Variants in CHD7 observed in about 807,000 individuals in gnomAD.
CHD7 encodes the protein chromodomain helicase DNA binding protein 7.
A neutral mutation model predicts 307.3 loss-of-function variants in CHD7; 24 were observed. That is an observed-to-expected ratio of 0.08 (90% CI 0.06 to 0.11). The LOEUF (loss-of-function observed/expected upper bound fraction) is 0.11. Ranked by LOEUF, CHD7 falls within the 10% of genes least tolerant of loss-of-function variation. The pLI is 1.00. For missense variants in CHD7, 3,106 were observed against 3,727.1 expected (o/e 0.83, Z 4.34); for synonymous variants, 1,363 against 1,349.9 (o/e 1.01, Z -0.21).
At chr8:60,854,578 G>A in intron 32 of CHD7, 55 bp downstream of exon 32, 1 of 1,427,468 alleles carries the variant, frequency 7.0e-7, no homozygotes, top group Non-Finnish European at 9.4e-7. Flanking sequence ...TAGGGTAGAG[G>A]AAATCTTTCT....
At position 60,741,636 on chromosome 8, in the gene CHD7, T is replaced by C. The variant is rs774568204; in HGVS notation, c.204T>C (p.His68=). 6.2e-7 allele frequency: 1 copy of C among 1,613,772 alleles called. No individual in the cohort carries two copies. The highest frequency in any genetic ancestry group is 1.7e-5 in the Admixed American group (1 of 60,000). The change falls in exon 2 of 38, where the codon CAT becomes CAC. Residue 68 remains histidine (H), a synonymous_variant. Transcript: ENST00000423902. The part of the protein sequence containing the change: ...STNQNQTKLT[H]FDHYNQYEQQ... ...ATCAAAATCAAACAAAGCTGACACA[T>C]TTTGATCACTATAATCAGTATGAAC...
At chr8:60,687,212 C>T (rs980759762) in intron 1 of CHD7, among the ~76,000 whole-genome samples, 9 of 152,116 alleles carry the variant, frequency 5.9e-5, no homozygotes, top group Non-Finnish European at 1.2e-4. Context: ...AGAAGTCCCT[C>T]GAAGAATTAT....
chr8:60,824,190 C>A (rs957840518), intron 13 of CHD7, 174 bp downstream of exon 13: 4 of 590,794 alleles, frequency 6.8e-6, no homozygotes, highest in Non-Finnish European at 1.2e-5. Context: ...TGGATTCTTA[C>A]ATTGTTGGCT....
intron 3 of CHD7, among the ~76,000 whole-genome samples, chr8:60,791,058 T>C (rs184084890): frequency 1.3e-5 from 2 of 152,200 alleles, no homozygotes; most frequent in African/African-American, 4.8e-5. Flanking sequence ...TACACCCATA[T>C]GGAGAATCTC....
At chr8:60,792,622 C>CT (rs1315573973) in intron 3 of CHD7, among the ~76,000 whole-genome samples, 1 of 152,160 alleles carries the variant, frequency 6.6e-6, no homozygotes, top group Non-Finnish European at 1.5e-5. Context: ...ACAGTTCATT[C>CT]TTGGGAAGGG....
At chr8:60,853,524 C>G in intron 31 of CHD7, 24 bp downstream of exon 31, 1 of 1,483,986 alleles carries the variant, frequency 6.7e-7, no homozygotes, top group Non-Finnish European at 9.0e-7. Flanking sequence ...ACTGGCCCCT[C>G]TCCTGACCCT....
chr8:60,861,486 G>A (rs377324167), intron 35 of CHD7: 3 of 182,626 alleles, frequency 1.6e-5, no homozygotes, highest in African/African-American at 7.1e-5. Context: ...CTCCAGACGA[G>A]GCCCCGCCAT....
intron 19 of CHD7, among the ~76,000 whole-genome samples, chr8:60,839,540 A>G (rs1005259918): frequency 6.6e-6 from 1 of 152,188 alleles, no homozygotes; most frequent in Non-Finnish European, 1.5e-5. Flanking sequence ...GTTTCCTTCC[A>G]AGTCAGATAG....
At position 60,837,003 on chromosome 8, in the gene CHD7, T is replaced by C. The variant is rs1226478425; in HGVS notation, c.4176T>C (p.Asn1392=). The C allele has an allele frequency of 1.9e-6, 3 of 1,608,138 alleles. No individual in the cohort carries two copies. The highest frequency in any genetic ancestry group is 2.2e-5 in the East Asian group (1 of 44,718). The change falls in exon 17 of 38, where the codon AAT becomes AAC. Residue 1392 remains asparagine (N), a synonymous_variant. Transcript: ENST00000423902. ...TTGATTCAGACTGGAATCCCCAAAA[T>C]GACCTCCAGGTAAATGCACAAGAAA... The part of the protein sequence containing the change: ...IIFDSDWNPQ[N]DLQAQARCHR...
chr8:60,689,762 GA>G (rs1806103294), intron 1 of CHD7, among the ~76,000 whole-genome samples: 1 of 152,198 alleles, frequency 6.6e-6, no homozygotes, highest in Non-Finnish European at 1.5e-5. Flanking sequence ...TTTTCAACCT[GA>G]AAGACACATG....
intron 1 of CHD7, among the ~76,000 whole-genome samples, chr8:60,696,135 A>G (rs1475553990): frequency 6.6e-6 from 1 of 152,232 alleles, no homozygotes; most frequent in African/African-American, 2.4e-5. Context: ...GAAAGAGTAC[A>G]AAAGAACATA....
intron 2 of CHD7, among the ~76,000 whole-genome samples, chr8:60,759,500 C>CCTCTCCCTCCCT (rs1810068665): frequency 6.7e-6 from 1 of 148,890 alleles, no homozygotes; most frequent in African/African-American, 2.5e-5. Flanking sequence ...TCTCCCTCTC[C>CCTCTCCCTCCCT]CTCTCCCTCC....
At chr8:60,849,302 C>G (rs924090502) in intron 25 of CHD7, 148 bp downstream of exon 25, 1 of 513,048 alleles carries the variant, frequency 1.9e-6, no homozygotes, top group Middle Eastern at 3.0e-4. Flanking sequence ...TACTAAAAAT[C>G]TAATATGAAC....
chr8:60,862,703 T>G lies in CHD7; in HGVS notation c.8076+51T>G, dbSNP rs1317821258. On this transcript the variant is annotated intron_variant, in intron 37 of 37. Coordinates refer to ENST00000423902, the MANE Select transcript of CHD7 (RefSeq NM_017780.4). Reference sequence around the variant, plus strand: ...AGAAAGGTAGCTATACAAAACTGTTTTCCTTAGTCTTTCTTATTTTCTGTT... The same window carrying G: ...AGAAAGGTAGCTATACAAAACTGTTGTCCTTAGTCTTTCTTATTTTCTGTT... 5.6e-6 allele frequency: 7 copies of G among 1,249,574 alleles called. No individual in the cohort carries two copies. The African/African-American group carries it at 1.0e-4, about 19-fold the overall frequency. The allele number at this position is 1,249,574 out of a possible 1,614,324, so 77.4% of individuals were successfully genotyped here.
intron 3 of CHD7, among the ~76,000 whole-genome samples, chr8:60,784,023 C>T (rs553800436): frequency 6.6e-6 from 1 of 152,256 alleles, no homozygotes; most frequent in East Asian, 1.9e-4. Flanking sequence ...TTGAGTATGT[C>T]GCATTGTGGT....
Position 60,781,005 on chromosome 8 carries a change from C to G in CHD7, c.1671C>G (p.Ser557=). The part of the protein sequence containing the change: ...TPQKVPVHQH[S]PSEPFLEKPV... Reference sequence around the variant, plus strand: ...TTCCTATTTGTGTCTCTCAGCATTCCCCGTCGGAGCCCTTTCTAGAGAAAC... The same window carrying G: ...TTCCTATTTGTGTCTCTCAGCATTCGCCGTCGGAGCCCTTTCTAGAGAAAC... The change falls in exon 3 of 38, where the codon TCC becomes TCG. Residue 557 remains serine (S), a synonymous_variant. Transcript: ENST00000423902. 6.5e-7 allele frequency: 1 copy of G among 1,547,224 alleles called. No individual in the cohort carries two copies. Among genetic ancestry groups the G allele is most frequent in the Non-Finnish European group, 8.7e-7 (1 of 1,152,546 alleles).
intron 16 of CHD7, 74 bp from the exon 17 acceptor site, chr8:60,836,743 T>C: frequency 9.4e-7 from 1 of 1,067,910 alleles, no homozygotes; most frequent in Non-Finnish European, 1.4e-6. Context: ...ATTGTAATAA[T>C]TAAAAATTAA....
At chr8:60,833,793 G>T (rs1435250975) in intron 15 of CHD7, among the ~76,000 whole-genome samples, 1 of 152,192 alleles carries the variant, frequency 6.6e-6, no homozygotes. Context: ...TACAAATTGG[G>T]TATCAAACAT....
At chr8:60,864,288 T>A (rs1241878824) in intron 37 of CHD7, 1 of 151,934 alleles carries the variant, frequency 6.6e-6, no homozygotes, top group Non-Finnish European at 1.5e-5. Flanking sequence ...CCTGGATATT[T>A]TTTTTTTATT....
Sources: gnomAD v4.1 joint callset for allele counts (sites outside exome capture counted in the v4.1 genomes callset) on GRCh38, gnomAD v4.1.1 for gene constraint, MANE v1.5 for transcripts, NCBI Gene and HGNC (gene_info 2026-07-23, HGNC 2026-07-21) for gene names.